The following MEF2A variants were observed in gnomAD, a reference collection of about 807,000 sequenced individuals.
MEF2A encodes the protein myocyte-specific enhancer factor 2A.
In MEF2A, 28 loss-of-function variants were observed where a neutral mutation model predicts 55.8. The observed-to-expected ratio is 0.50, with a 90% CI of 0.37 to 0.69. The LOEUF is 0.69. Among genes scored for constraint, MEF2A ranks in the 30% least tolerant of loss-of-function variants. MEF2A has a pLI of 0.00. For synonymous variants in MEF2A, 239 were observed against 227.1 expected (o/e 1.05, Z -0.47); for missense variants, 528 against 626.2 (o/e 0.84, Z 1.67).
chr15:99,586,973 T>C (rs1168317440), intron 1 of MEF2A, among the ~76,000 whole-genome samples: 2 of 151,868 alleles, frequency 1.3e-5, no homozygotes, highest in Admixed American at 6.6e-5. Context: ...TTCTCTGTTA[T>C]GTTCCATTGA....
At chr15:99,687,482 T>C (rs138244147) in intron 7 of MEF2A, among the ~76,000 whole-genome samples, 28 of 152,362 alleles carry the variant, frequency 1.8e-4, no homozygotes, top group African/African-American at 6.0e-4. Flanking sequence ...TACTTTTTCC[T>C]TCTGATGGTC....
intron 8 of MEF2A, among the ~76,000 whole-genome samples, chr15:99,692,783 T>C (rs2055741956): frequency 6.6e-6 from 1 of 152,232 alleles, no homozygotes; most frequent in South Asian, 2.1e-4. Context: ...TTTTGTCTTC[T>C]TTCTCTAATA....
chr15:99,595,869 A>G (rs1015335873), intron 1 of MEF2A, among the ~76,000 whole-genome samples: 33 of 152,222 alleles, frequency 2.2e-4, no homozygotes, highest in Non-Finnish European at 4.0e-4. Flanking sequence ...CTTGTTGTCT[A>G]GGTTAACAGT....
At chr15:99,596,101 G>A (rs1222737988) in intron 1 of MEF2A, among the ~76,000 whole-genome samples, 1 of 151,766 alleles carries the variant, frequency 6.6e-6, no homozygotes, top group Non-Finnish European at 1.5e-5. Context: ...TTACAGTATT[G>A]TCTTTTAGAA....
chr15:99,642,759 T>G (rs1227352572), intron 3 of MEF2A, among the ~76,000 whole-genome samples: 1 of 152,362 alleles, frequency 6.6e-6, no homozygotes, highest in East Asian at 1.9e-4. Context: ...CTTGTAGCAC[T>G]AATCAGAGGA....
In MEF2A at chr15:99,633,105, G is replaced by A; in HGVS notation, c.-15G>A. On this transcript the variant is annotated 5_prime_UTR_variant, in exon 3 of 12. Transcript: ENST00000557942. ...AATATTTGGAATATAAGGAAATAAG[G>A]AAAGTTGACTGAAAATGGGGCGGAA... 1 of 1,597,676 alleles carries A rather than the reference G, an allele frequency of 6.3e-7. No individual in the cohort carries two copies. The highest frequency in any genetic ancestry group is 8.5e-7 in the Non-Finnish European group (1 of 1,171,096).
rs180962804 is a variant in MEF2A at position 99,699,146 on chromosome 15, T to C, written c.859-4216T>C. On this transcript the variant is annotated intron_variant, in intron 8 of 11. Transcript: ENST00000557942. The stretch of plus-strand genomic sequence containing the variant: ...GCACATGAATTGAAAACTATACTTA[T>C]AAGAAACCCGTATCTTTCATAATTG... Among the ~76,000 whole-genome samples, 542 of 152,254 alleles carry C rather than the reference T, an allele frequency of 3.6e-3. 4 individuals carry two copies. The highest frequency in any genetic ancestry group is 0.011 in the African/African-American group (456 of 41,526).
chr15:99,576,645 GT>G lies in MEF2A; in HGVS notation c.-225+10554del, dbSNP rs921725509. On this transcript the variant is annotated intron_variant, in intron 1 of 11. Transcript: ENST00000557942. ...AAGAAACATAAACTTTAGTTTTTTTGTTTTTTTTTTTTTGAGACGGAATCTT... is the reference window on the plus strand; with the variant it reads ...AAGAAACATAAACTTTAGTTTTTTTGTTTTTTTTTTTTGAGACGGAATCTT... Among the ~76,000 whole-genome samples, 68 of 138,876 alleles carry G rather than the reference GT, an allele frequency of 4.9e-4. 1 individual carries two copies. Among genetic ancestry groups the G allele is most frequent in the East Asian group, 3.7e-3 (18 of 4,866 alleles). 91.1% of individuals were successfully genotyped at this position (138,876 alleles called of 152,430 possible).
At chr15:99,694,103 T>G (rs1276719058) in intron 8 of MEF2A, among the ~76,000 whole-genome samples, 1 of 152,220 alleles carries the variant, frequency 6.6e-6, no homozygotes, top group African/African-American at 2.4e-5. Flanking sequence ...CACATTATAT[T>G]TAGCAATCAT....
At chr15:99,628,150 T>G (rs1054418667) in intron 2 of MEF2A, among the ~76,000 whole-genome samples, 1 of 152,186 alleles carries the variant, frequency 6.6e-6, no homozygotes. Flanking sequence ...TATGTCTTCC[T>G]GGTGAATTGA....
chr15:99,578,194 A>G (rs1029577189), intron 1 of MEF2A, among the ~76,000 whole-genome samples: 1 of 152,078 alleles, frequency 6.6e-6, no homozygotes, highest in African/African-American at 2.4e-5. Context: ...TGATTTTGTG[A>G]TTTCCTTGTT....
At chr15:99,587,556 C>CT (rs755237678) in intron 1 of MEF2A, among the ~76,000 whole-genome samples, 3 of 152,168 alleles carry the variant, frequency 2.0e-5, no homozygotes, top group Non-Finnish European at 2.9e-5. Flanking sequence ...ACAGTATTAA[C>CT]TGAGTGTTCA....
At chr15:99,589,622 G>T (rs555092977) in intron 1 of MEF2A, among the ~76,000 whole-genome samples, 2 of 151,818 alleles carry the variant, frequency 1.3e-5, no homozygotes, top group Non-Finnish European at 2.9e-5. Context: ...TCTAAAATAC[G>T]CACTTAAAAG....
intron 2 of MEF2A, among the ~76,000 whole-genome samples, chr15:99,630,049 C>A (rs1308908058): frequency 1.4e-5 from 2 of 146,392 alleles, no homozygotes; most frequent in East Asian, 4.2e-4. Context: ...CCCCCTCTCT[C>A]CCCTTTGATG....
intron 4 of MEF2A, among the ~76,000 whole-genome samples, chr15:99,650,177 G>A (rs576087629): frequency 4.3e-4 from 66 of 152,114 alleles, no homozygotes; most frequent in Non-Finnish European, 8.2e-4. Flanking sequence ...AGCTTTTTCA[G>A]AAGCAAAAAT....
chr15:99,648,653 T>C (rs1482059019), intron 4 of MEF2A, among the ~76,000 whole-genome samples: 1 of 152,156 alleles, frequency 6.6e-6, no homozygotes, highest in Non-Finnish European at 1.5e-5. Flanking sequence ...CGTTTGCATA[T>C]ATGTTAGTCT....
At chr15:99,645,248 A>G (rs1039916674) in intron 3 of MEF2A, among the ~76,000 whole-genome samples, 1 of 152,202 alleles carries the variant, frequency 6.6e-6, no homozygotes, top group Non-Finnish European at 1.5e-5. Flanking sequence ...GATGGTAACA[A>G]TTTTAACTGA....
chr15:99,597,415 A>C (rs113039180), intron 1 of MEF2A, among the ~76,000 whole-genome samples: 30 of 152,278 alleles, frequency 2.0e-4, no homozygotes, highest in African/African-American at 7.0e-4. Context: ...GTCAGAGACC[A>C]GTTGATCTCA....
chr15:99,701,739 G>A (rs959234304), intron 8 of MEF2A, among the ~76,000 whole-genome samples: 3 of 152,104 alleles, frequency 2.0e-5, no homozygotes, highest in Non-Finnish European at 4.4e-5. Flanking sequence ...ACATAACAAA[G>A]AAATACACCC....
Sources: gnomAD v4.1 joint callset for allele counts (sites outside exome capture counted in the v4.1 genomes callset) on GRCh38, gnomAD v4.1.1 for gene constraint, MANE v1.5 for transcripts, NCBI Gene and HGNC (gene_info 2026-07-23, HGNC 2026-07-21) for gene names.